ADGRL2: variants seen among roughly 807,000 people sequenced by gnomAD.
ADGRL2 encodes the protein adhesion G protein-coupled receptor L2, also known as calcium-independent alpha-latrotoxin receptor 2.
ADGRL2 carries 44 observed loss-of-function variants against 157.4 expected under a neutral mutation model. The ratio of observed to expected loss-of-function variants is 0.28; its 90% confidence interval spans 0.22 to 0.36. The LOEUF (loss-of-function observed/expected upper bound fraction) is 0.36, where lower values mean the gene tolerates loss of function less well. Ranked by LOEUF, ADGRL2 falls within the 10% of genes least tolerant of loss-of-function variation. ADGRL2 has a pLI of 1.00. For synonymous variants in ADGRL2, 585 were observed against 624.7 expected, an observed-to-expected ratio of 0.94 and a Z score of 0.95; for missense variants, 1,510 against 1,768.9, an observed-to-expected ratio of 0.85 and a Z score of 2.63.
chr1:81,715,779 G>A (rs1053487072), intron 1 of ADGRL2, among the ~76,000 whole-genome samples: 1 of 152,048 alleles, frequency 6.6e-6, no homozygotes, highest in Non-Finnish European at 1.5e-5. Flanking sequence ...TGAGACCAAG[G>A]TCACAGAACC....
At chr1:81,663,066 A>G (rs993608384) in intron 3 of ADGRL2, among the ~76,000 whole-genome samples, 1 of 17,354 alleles carries the variant, frequency 5.8e-5, no homozygotes, top group Non-Finnish European at 1.3e-4. Context: ...TCCCACCCCC[A>G]CCATTCCCCC....
intron 1 of ADGRL2, among the ~76,000 whole-genome samples, chr1:81,417,094 T>C (rs2077045946): frequency 6.6e-6 from 1 of 152,194 alleles, no homozygotes; most frequent in Non-Finnish European, 1.5e-5. Flanking sequence ...TCCTTTACTT[T>C]ATTATTTTTC....
chr1:81,727,769 A>G (rs2084585675), intron 1 of ADGRL2, among the ~76,000 whole-genome samples: 1 of 152,044 alleles, frequency 6.6e-6, no homozygotes, highest in Non-Finnish European at 1.5e-5. Flanking sequence ...GTCTTTAAAA[A>G]CATCGTGTTT....
chr1:81,530,688 A>AT (rs1336611311), intron 2 of ADGRL2, among the ~76,000 whole-genome samples: 1 of 152,038 alleles, frequency 6.6e-6, no homozygotes, highest in Admixed American at 6.6e-5. Context: ...GTTCAGCCTT[A>AT]TTACTCTGGG....
At chr1:81,940,118 A>G (rs1647336486) in intron 4 of ADGRL2, among the ~76,000 whole-genome samples, 2 of 151,552 alleles carry the variant, frequency 1.3e-5, no homozygotes, top group Non-Finnish European at 1.5e-5. Context: ...TTTTCAATGA[A>G]TGGAAAGCAA....
At chr1:81,486,739 A>G (rs1176934682) in intron 2 of ADGRL2, among the ~76,000 whole-genome samples, 1 of 152,172 alleles carries the variant, frequency 6.6e-6, no homozygotes, top group Non-Finnish European at 1.5e-5. Flanking sequence ...TGTATTTCTC[A>G]TGCTTTGGAC....
intron 3 of ADGRL2, among the ~76,000 whole-genome samples, chr1:81,658,964 C>T (rs866509322): frequency 6.6e-6 from 1 of 151,372 alleles, no homozygotes; most frequent in East Asian, 1.9e-4. Context: ...GTTGACAAAG[C>T]TGGTCTCGAA....
At chr1:81,330,936 TAAC>T (rs1481732781) in intron 1 of ADGRL2, among the ~76,000 whole-genome samples, 1 of 152,184 alleles carries the variant, frequency 6.6e-6, no homozygotes, top group Non-Finnish European at 1.5e-5. Context: ...TTTTAAAGTT[TAAC>T]AACAGATTAA....
At chr1:81,652,447 A>C (rs977711446) in intron 3 of ADGRL2, among the ~76,000 whole-genome samples, 1 of 152,192 alleles carries the variant, frequency 6.6e-6, no homozygotes, top group Non-Finnish European at 1.5e-5. Flanking sequence ...CTGAACAATT[A>C]ATGTAAAAAG....
intron 2 of ADGRL2, among the ~76,000 whole-genome samples, chr1:81,905,107 T>G (rs2094559734): frequency 6.6e-6 from 1 of 151,964 alleles, no homozygotes; most frequent in South Asian, 2.1e-4. Flanking sequence ...TACTTTTTTT[T>G]TTTTTTGAGA....
chr1:81,470,251 T>C lies in ADGRL2; in HGVS notation c.-248+25162T>C, dbSNP rs572607486. Among the ~76,000 whole-genome samples the C allele has an allele frequency of 3.3e-5, 5 of 152,332 alleles. No individual in the cohort carries two copies. The South Asian group carries it at 1.0e-3, about 32-fold the overall frequency. ...GTTCAAGTTATGCAAATTATGTACT[T>C]ATTTGAACAATTATAAAAAGAGTGG... is the stretch of plus-strand genomic sequence containing the variant. On this transcript the variant is annotated intron_variant, in intron 2 of 24. Coordinates refer to the ADGRL2 transcript ENST00000370721.
At chr1:81,618,935 A>T (rs2081726625) in intron 3 of ADGRL2, among the ~76,000 whole-genome samples, 1 of 152,074 alleles carries the variant, frequency 6.6e-6, no homozygotes, top group Non-Finnish European at 1.5e-5. Context: ...AAAAGGCTGA[A>T]CATTTGGTTT....
intron 3 of ADGRL2, among the ~76,000 whole-genome samples, chr1:81,593,530 C>A (rs929417019): frequency 6.6e-6 from 1 of 152,158 alleles, no homozygotes; most frequent in Non-Finnish European, 1.5e-5. Context: ...TTGATTATTG[C>A]TGATGTTCCA....
chr1:81,476,828 TCTCAGATTCTGTC>T (rs753086553), intron 2 of ADGRL2, among the ~76,000 whole-genome samples: 72 of 152,186 alleles, frequency 4.7e-4, no homozygotes, highest in Non-Finnish European at 1.3e-4. Context: ...ATAGATATCC[TCTCAGATTCTGTC>T]CTCAGATTCG....
chr1:81,850,168 C>A (rs2092948465), intron 2 of ADGRL2, among the ~76,000 whole-genome samples: 1 of 151,962 alleles, frequency 6.6e-6, no homozygotes, highest in Admixed American at 6.6e-5. Flanking sequence ...TAGCCAGCAT[C>A]CATAGATCAT....
chr1:81,424,588 A>G (rs1346888475), intron 1 of ADGRL2, among the ~76,000 whole-genome samples: 1 of 152,246 alleles, frequency 6.6e-6, no homozygotes, highest in Non-Finnish European at 1.5e-5. Flanking sequence ...GCAGTTTTTA[A>G]AAGAAAATGA....
chr1:81,820,859 AC>A (rs1366943554), intron 1 of ADGRL2, among the ~76,000 whole-genome samples: 15 of 152,130 alleles, frequency 9.9e-5, no homozygotes. Context: ...AAATAACCAC[AC>A]AGAAAACATG....
At chr1:81,649,286 C>T (rs958383253) in intron 3 of ADGRL2, among the ~76,000 whole-genome samples, 8 of 152,158 alleles carry the variant, frequency 5.3e-5, no homozygotes, top group African/African-American at 1.9e-4. Flanking sequence ...CGCTGCTTTC[C>T]CTGCAGGAGA....
At chr1:81,650,297 C>A (rs71646941) in intron 3 of ADGRL2, among the ~76,000 whole-genome samples, 1 of 151,874 alleles carries the variant, frequency 6.6e-6, no homozygotes, top group Non-Finnish European at 1.5e-5. Flanking sequence ...GTGGGCCGGG[C>A]CCCCTGGCTC....
Sources: gnomAD v4.1 joint callset for allele counts (sites outside exome capture counted in the v4.1 genomes callset) on GRCh38, gnomAD v4.1.1 for gene constraint, MANE v1.5 for transcripts, NCBI Gene and HGNC (gene_info 2026-07-23, HGNC 2026-07-21) for gene names.